Variants in CADPS observed in about 807,000 individuals in gnomAD.
CADPS encodes the protein calcium dependent secretion activator.
In CADPS, 57 loss-of-function variants were observed where a neutral mutation model predicts 167.3. That is an observed-to-expected ratio of 0.34 (90% confidence interval 0.28 to 0.42). CADPS has a LOEUF of 0.42. Ranked by LOEUF, CADPS falls within the 20% of genes least tolerant of loss-of-function variation. CADPS has a pLI of 1.00. For synonymous variants in CADPS, 676 were observed against 635.3 expected, an observed-to-expected ratio of 1.06 and a Z score of -0.96; for missense variants, 1,414 against 1,738.1, an observed-to-expected ratio of 0.81 and a Z score of 3.32.
chr3:62,802,140 AC>A (rs2093805614), intron 1 of CADPS, among the ~76,000 whole-genome samples: 1 of 152,176 alleles, frequency 6.6e-6, no homozygotes, highest in Non-Finnish European at 1.5e-5. Flanking sequence ...GCCACAGGAC[AC>A]ATAAGGCCAA....
At chr3:62,453,689 C>T (rs2058351912) in intron 26 of CADPS, among the ~76,000 whole-genome samples, 1 of 152,172 alleles carries the variant, frequency 6.6e-6, no homozygotes, top group Non-Finnish European at 1.5e-5. Context: ...TGCCTGGGGC[C>T]AAGTGACAAT....
intron 29 of CADPS, among the ~76,000 whole-genome samples, chr3:62,402,582 T>C (rs896189786): frequency 6.6e-6 from 1 of 152,236 alleles, no homozygotes; most frequent in Non-Finnish European, 1.5e-5. Flanking sequence ...TTACATTTGA[T>C]TGTATACACG....
intron 3 of CADPS, among the ~76,000 whole-genome samples, chr3:62,746,498 G>A (rs147467977): frequency 3.3e-5 from 5 of 152,156 alleles, no homozygotes; most frequent in African/African-American, 1.2e-4. Context: ...CACCATGCCT[G>A]GCTAATTTTT....
At chr3:62,693,801 T>A (rs890577305) in intron 3 of CADPS, among the ~76,000 whole-genome samples, 10 of 115,334 alleles carry the variant, frequency 8.7e-5, no homozygotes, top group Admixed American at 7.1e-4. Flanking sequence ...AAAAAAAAAA[T>A]TCTATTTTCC....
At chr3:62,775,593 G>C (rs532919398) in intron 1 of CADPS, among the ~76,000 whole-genome samples, 1 of 152,144 alleles carries the variant, frequency 6.6e-6, no homozygotes, top group Admixed American at 6.5e-5. Flanking sequence ...TGTTTTTCTT[G>C]AAGTAACAGG....
chr3:62,488,204 G>GA, intron 21 of CADPS, among the ~76,000 whole-genome samples: 1 of 151,790 alleles, frequency 6.6e-6, no homozygotes, highest in Non-Finnish European at 1.5e-5. Context: ...TCTTCACTTG[G>GA]AAAAAAAATC....
intron 17 of CADPS, among the ~76,000 whole-genome samples, chr3:62,512,123 C>T (rs916970929): frequency 1.3e-5 from 2 of 152,156 alleles, no homozygotes; most frequent in African/African-American, 4.8e-5. Flanking sequence ...ATGATGATCC[C>T]TATTCTAATT....
rs2083294479 is a variant in CADPS, at chr3:62,874,513, C to T, written c.441+76G>A. ...TCCTGCTCCTCCTCGCCAGCTGCGC[C>T]GCCAGCTCCCATTGTTCACCCCGCC... On this transcript the variant is annotated intron_variant, in intron 1 of 29. Transcript: ENST00000383710. The surrounding 1 kb of genome is among the most constrained non-coding windows in gnomAD (Gnocchi z 7.1). 19 of 1,164,546 alleles carry T rather than the reference C, an allele frequency of 1.6e-5. No individual in the cohort carries two copies. The South Asian group carries it at 2.7e-4, about 17-fold the overall frequency. The allele number at this position is 1,164,546 out of a possible 1,614,324, so 72.1% of individuals were successfully genotyped here. A position where few individuals can be genotyped will look rare whatever the true frequency, so the allele number is the denominator to read the frequency against.
In CADPS at chr3:62,532,717, T is replaced by TTG. The variant is rs10586016; in HGVS notation, c.2291+152_2291+153dup. 9.3e-3 allele frequency among the ~76,000 whole-genome samples: 1,391 copies of TTG among 148,894 alleles called. 19 individuals are homozygous for TTG. Among genetic ancestry groups the TTG allele is most frequent in the African/African-American group, 0.027 (1,084 of 40,326 alleles). On this transcript the variant is annotated intron_variant, in intron 13 of 29. Coordinates refer to ENST00000383710, the MANE Select transcript of CADPS (RefSeq NM_003716.4). ...GAAAGGAGAAGAAAGTTAGTGCCCT[T>TTG]TGTGTGTGTGTGTGTGTGTGTGTGT...
At chr3:62,423,375 G>C (rs560294300) in intron 28 of CADPS, among the ~76,000 whole-genome samples, 2 of 152,348 alleles carry the variant, frequency 1.3e-5, no homozygotes, top group Admixed American at 1.3e-4. Flanking sequence ...GTTCTAGCTA[G>C]AGGGTCATAG....
chr3:62,518,727 A>T (rs1383201246), intron 13 of CADPS, among the ~76,000 whole-genome samples: 1 of 152,036 alleles, frequency 6.6e-6, no homozygotes, highest in African/African-American at 2.4e-5. Flanking sequence ...TGTATTACCT[A>T]TCTCTCTTGT....
intron 3 of CADPS, among the ~76,000 whole-genome samples, chr3:62,740,011 G>A (rs1358185679): frequency 2.0e-5 from 3 of 152,202 alleles, no homozygotes; most frequent in Admixed American, 6.5e-5. Context: ...AACAACCCTT[G>A]AAATCAGTGA....
In CADPS at chr3:62,809,598, G is replaced by A. The variant is rs559246596; in HGVS notation, c.442-43614C>T. Among the ~76,000 whole-genome samples, 6 of 152,236 alleles carry A rather than the reference G, an allele frequency of 3.9e-5. 1 individual carries two copies. Among genetic ancestry groups the A allele is most frequent in the African/African-American group, 1.4e-4 (6 of 41,540 alleles). ...AAGTAGCTCCCAGGAAGTCTCTGTT[G>A]CATCACCCAGCTTTAACATTATACA... On this transcript the variant is annotated intron_variant, in intron 1 of 29. Transcript: ENST00000383710.
At chr3:62,648,004 T>C (rs1029667266) in intron 5 of CADPS, among the ~76,000 whole-genome samples, 4 of 152,178 alleles carry the variant, frequency 2.6e-5, no homozygotes, top group Non-Finnish European at 5.9e-5. Flanking sequence ...CTTCCCTCAC[T>C]GCAAAGTTAT....
intron 10 of CADPS, among the ~76,000 whole-genome samples, chr3:62,552,834 G>T (rs2077529006): frequency 6.6e-6 from 1 of 152,032 alleles, no homozygotes. Flanking sequence ...GATTTTTGGT[G>T]GTTTTTATTA....
chr3:62,813,827 T>C (rs1453631703), intron 1 of CADPS, among the ~76,000 whole-genome samples: 1 of 152,114 alleles, frequency 6.6e-6, no homozygotes, highest in African/African-American at 2.4e-5. Context: ...AAAGAAAACA[T>C]ACAAGTGGCC....
chr3:62,423,099 T>C (rs1325771048), intron 28 of CADPS, among the ~76,000 whole-genome samples: 1 of 152,186 alleles, frequency 6.6e-6, no homozygotes, highest in Non-Finnish European at 1.5e-5. Flanking sequence ...TTTTGAAGCA[T>C]ATATGGTATG....
At chr3:62,533,964 G>A (rs2074217831) in intron 12 of CADPS, among the ~76,000 whole-genome samples, 1 of 152,146 alleles carries the variant, frequency 6.6e-6, no homozygotes, top group South Asian at 2.1e-4. Flanking sequence ...CAAGACAATG[G>A]GAATTCAGAT....
At chr3:62,589,960 C>T (rs533462492) in intron 7 of CADPS, among the ~76,000 whole-genome samples, 6 of 152,074 alleles carry the variant, frequency 3.9e-5, no homozygotes, top group Admixed American at 2.0e-4. Flanking sequence ...GAGGCCGAGG[C>T]GGGCGGATCA....
Sources: allele counts gnomAD v4.1 joint callset (sites outside exome capture counted in the v4.1 genomes callset), GRCh38; gene constraint gnomAD v4.1.1; non-coding constraint Gnocchi (gnomAD v3.1); transcripts MANE v1.5; gene names NCBI Gene and HGNC (gene_info 2026-07-23, HGNC 2026-07-21).